Variants in UST observed in about 807,000 individuals in gnomAD.
UST encodes the protein uronyl 2-sulfotransferase.
A neutral mutation model predicts 45.6 loss-of-function variants in UST; 21 were observed. The ratio of observed to expected loss-of-function variants is 0.46; its 90% CI spans 0.33 to 0.66. UST has a LOEUF of 0.66. Among genes scored for constraint, UST ranks in the 30% least tolerant of loss-of-function variants. The pLI is 0.02. For synonymous variants in UST, 215 were observed against 200.6 expected, an observed-to-expected ratio of 1.07 and a Z score of -0.61; for missense variants, 463 against 512.4, an observed-to-expected ratio of 0.90 and a Z score of 0.93.
intron 1 of UST, among the ~76,000 whole-genome samples, chr6:148,836,479 C>T (rs1306352556): frequency 6.6e-6 from 1 of 152,222 alleles, no homozygotes; most frequent in African/African-American, 2.4e-5. Flanking sequence ...GATGGTCCAT[C>T]TTGAACTGAT....
chr6:148,991,600 A>T (rs1277615868), intron 5 of UST, among the ~76,000 whole-genome samples: 1 of 145,200 alleles, frequency 6.9e-6, no homozygotes, highest in Non-Finnish European at 1.5e-5. Context: ...TATAGAATTC[A>T]TAGATATTTT....
chr6:148,798,231 C>CT (rs1776988799), intron 1 of UST, among the ~76,000 whole-genome samples: 1 of 152,194 alleles, frequency 6.6e-6, no homozygotes, highest in Non-Finnish European at 1.5e-5. Context: ...CAGGGTGAGT[C>CT]TAACCACACA....
At chr6:148,903,557 A>C (rs368952163) in intron 2 of UST, among the ~76,000 whole-genome samples, 1 of 152,230 alleles carries the variant, frequency 6.6e-6, no homozygotes, top group East Asian at 1.9e-4. Flanking sequence ...GTGCTGAATT[A>C]GTTTAATTCA....
intron 7 of UST, among the ~76,000 whole-genome samples, chr6:149,064,549 A>G (rs1776704480): frequency 2.0e-5 from 3 of 152,228 alleles, no homozygotes; most frequent in Admixed American, 2.0e-4. Flanking sequence ...GCTATTCAAC[A>G]AATCTTTGCA....
At chr6:149,021,576 A>G in intron 7 of UST, 95 bp downstream of exon 7, 1 of 1,429,696 alleles carries the variant, frequency 7.0e-7, no homozygotes. Context: ...GAGTGAAATG[A>G]TCTCTTCTGA....
chr6:148,967,290 C>T (rs893932427), intron 5 of UST, among the ~76,000 whole-genome samples: 1 of 151,786 alleles, frequency 6.6e-6, no homozygotes, highest in South Asian at 2.1e-4. Context: ...CAGGAAAGCA[C>T]TGGGCTCCCC....
intron 2 of UST, among the ~76,000 whole-genome samples, chr6:148,913,423 CTTTTTTTTT>C (rs34110477): frequency 2.5e-5 from 2 of 79,880 alleles, no homozygotes; most frequent in African/African-American, 5.0e-5. Flanking sequence ...GACCAAAAAT[CTTTTTTTTT>C]TTTTTTTTTT....
At chr6:149,001,352 T>G (rs1781546732) in intron 5 of UST, among the ~76,000 whole-genome samples, 1 of 152,214 alleles carries the variant, frequency 6.6e-6, no homozygotes, top group East Asian at 1.9e-4. Flanking sequence ...ATTATAGGCA[T>G]AAGCCACCGC....
At chr6:149,034,290 A>C (rs939820831) in intron 7 of UST, among the ~76,000 whole-genome samples, 1 of 152,132 alleles carries the variant, frequency 6.6e-6, no homozygotes, top group Admixed American at 6.5e-5. Context: ...TATGTGCCAA[A>C]ATTTTCGTAT....
At chr6:148,993,101 T>C in intron 5 of UST, 1 of 982,142 alleles carries the variant, frequency 1.0e-6, no homozygotes, top group Non-Finnish European at 1.2e-6. Context: ...TGTTTCTAGG[T>C]CAGTTAACAT....
intron 1 of UST, among the ~76,000 whole-genome samples, chr6:148,868,271 T>TGATATATTTGGATATAAC (rs1778483561): frequency 1.3e-5 from 2 of 152,232 alleles, no homozygotes; most frequent in African/African-American, 4.8e-5. Flanking sequence ...AAGTTGATGT[T>TGATATATTTGGATATAAC]AAGTAGGCTT....
chr6:148,815,164 T>C lies in UST; in HGVS notation c.247+67487T>C, dbSNP rs1267210025. 3.9e-5 allele frequency among the ~76,000 whole-genome samples: 6 copies of C among 152,322 alleles called. No individual in the cohort carries two copies. In the East Asian group the frequency reaches 1.2e-3, roughly 29 times the overall value. ...AAAGCAAGGTACAAAGTAGAGCATA[T>C]ACATGAATATTGATTGTCTTTAAAG... On this transcript the variant is annotated intron_variant, in intron 1 of 7. Transcript: ENST00000367463.
At chr6:149,048,863 C>G (rs182092272) in intron 7 of UST, among the ~76,000 whole-genome samples, 1 of 152,172 alleles carries the variant, frequency 6.6e-6, no homozygotes, top group Non-Finnish European at 1.5e-5. Context: ...ACTGAGCAGT[C>G]GTGGAGTCCC....
intron 1 of UST, among the ~76,000 whole-genome samples, chr6:148,854,339 C>A (rs1012505958): frequency 6.6e-6 from 1 of 152,204 alleles, no homozygotes; most frequent in African/African-American, 2.4e-5. Context: ...TTGGAACTTG[C>A]CCAATCTATT....
intron 2 of UST, among the ~76,000 whole-genome samples, chr6:148,939,149 T>C (rs2114920163): frequency 6.6e-6 from 1 of 152,180 alleles, no homozygotes; most frequent in South Asian, 2.1e-4. Context: ...ACAACAGCAG[T>C]ATAAGGCATG....
At chr6:148,968,002 C>T (rs779472377) in intron 5 of UST, among the ~76,000 whole-genome samples, 12 of 152,140 alleles carry the variant, frequency 7.9e-5, no homozygotes, top group Non-Finnish European at 7.4e-5. Flanking sequence ...GATGAGGACT[C>T]TCTCATTTTA....
At chr6:149,054,009 G>C (rs997914484) in intron 7 of UST, among the ~76,000 whole-genome samples, 1 of 152,130 alleles carries the variant, frequency 6.6e-6, no homozygotes, top group Admixed American at 6.5e-5. Context: ...CCCTGTCCAA[G>C]ACACCAGCAC....
chr6:148,954,385 T>A (rs1224844732), intron 4 of UST, among the ~76,000 whole-genome samples: 1 of 152,250 alleles, frequency 6.6e-6, no homozygotes, highest in Non-Finnish European at 1.5e-5. Context: ...GTCTGTCTTT[T>A]TAATACAATC....
chr6:148,863,568 G>A (rs1373515077), intron 1 of UST, among the ~76,000 whole-genome samples: 1 of 152,186 alleles, frequency 6.6e-6, no homozygotes, highest in African/African-American at 2.4e-5. Context: ...TTCCTCTGGA[G>A]GAGAAGAGGC....
Sources: allele counts gnomAD v4.1 joint callset (sites outside exome capture counted in the v4.1 genomes callset), GRCh38; gene constraint gnomAD v4.1.1; transcripts MANE v1.5; gene names NCBI Gene and HGNC (gene_info 2026-07-23, HGNC 2026-07-21).